SPMAP2L: variants seen among roughly 807,000 people sequenced by gnomAD.
The protein encoded by SPMAP2L is sperm microtubule associated protein 2 like.
At chr4:56,563,704 G>A in the SPMAP2L span, among the ~76,000 whole-genome samples, 4 of 152,094 alleles carry the variant, frequency 2.6e-5, no homozygotes, top group East Asian at 7.7e-4. Flanking sequence ...AGTAAAGTTA[G>A]CCACACACTC....
At chr4:56,578,607 C>G in the SPMAP2L span, among the ~76,000 whole-genome samples, 3 of 151,934 alleles carry the variant, frequency 2.0e-5, no homozygotes, top group Non-Finnish European at 4.4e-5. Context: ...AAAAGACATA[C>G]TTTAGATTCA....
the SPMAP2L span, among the ~76,000 whole-genome samples, chr4:56,570,707 T>C: frequency 6.6e-6 from 1 of 150,494 alleles, no homozygotes; most frequent in Non-Finnish European, 1.5e-5. Flanking sequence ...TTATAAACAC[T>C]GTACACTGAA....
chr4:56,543,887 A>T, the SPMAP2L span, among the ~76,000 whole-genome samples: 1 of 129,732 alleles, frequency 7.7e-6, no homozygotes, highest in Admixed American at 7.9e-5. Context: ...AGAGAGAGAG[A>T]GAGAGAGAGT....
At chr4:56,595,820 G>GT in the SPMAP2L span, 1 of 762,664 alleles carries the variant, frequency 1.3e-6, no homozygotes, top group African/African-American at 1.7e-5. Flanking sequence ...TCAAGTAGGA[G>GT]TTTTATATAC....
At chr4:56,603,619 GA>G in the SPMAP2L span, 4 of 238,250 alleles carry the variant, frequency 1.7e-5, no homozygotes, top group Non-Finnish European at 3.2e-5. Context: ...TGCTGTAGCT[GA>G]CCTGAAGAAA....
chr4:56,604,665 A>AAAAG, the SPMAP2L span, among the ~76,000 whole-genome samples: 1 of 152,026 alleles, frequency 6.6e-6, no homozygotes, highest in African/African-American at 2.4e-5. Flanking sequence ...TCTCAAAAAA[A>AAAAG]AAAAGAAAAG....
At chr4:56,566,181 C>A in the SPMAP2L span, among the ~76,000 whole-genome samples, 15 of 152,008 alleles carry the variant, frequency 9.9e-5, no homozygotes, top group South Asian at 3.1e-3. Context: ...CTCTTTGTTG[C>A]CTTCTTATTT....
the SPMAP2L span, among the ~76,000 whole-genome samples, chr4:56,623,249 T>C: frequency 6.6e-6 from 1 of 152,148 alleles, no homozygotes; most frequent in Admixed American, 6.5e-5. Context: ...GCCTCTCCTT[T>C]TTTCTTTTTA....
At chr4:56,564,600 T>A in the SPMAP2L span, among the ~76,000 whole-genome samples, 3 of 152,240 alleles carry the variant, frequency 2.0e-5, no homozygotes, top group Admixed American at 2.0e-4. Context: ...TCATTCTGGC[T>A]AGAGATCTAT....
chr4:56,615,085 G>A, the SPMAP2L span, among the ~76,000 whole-genome samples: 1 of 152,206 alleles, frequency 6.6e-6, no homozygotes, highest in African/African-American at 2.4e-5. Flanking sequence ...TGAGGCAAAA[G>A]GACAGCAGTG....
At chr4:56,574,189 A>G in the SPMAP2L span, among the ~76,000 whole-genome samples, 1 of 151,976 alleles carries the variant, frequency 6.6e-6, no homozygotes, top group African/African-American at 2.4e-5. Context: ...GGAGGCTGAG[A>G]CGGGAGAATC....
At chr4:56,622,484 A>T in the SPMAP2L span, among the ~76,000 whole-genome samples, 5 of 152,248 alleles carry the variant, frequency 3.3e-5, no homozygotes, top group Non-Finnish European at 7.3e-5. Context: ...TTTATTAAGT[A>T]AACACTGTAT....
At chr4:56,602,406 G>C in the SPMAP2L span, among the ~76,000 whole-genome samples, 1 of 152,128 alleles carries the variant, frequency 6.6e-6, no homozygotes, top group Non-Finnish European at 1.5e-5. Context: ...TCATTAAAGA[G>C]AAGAGGCTGG....
the SPMAP2L span, among the ~76,000 whole-genome samples, chr4:56,569,996 T>C: frequency 6.6e-6 from 1 of 152,214 alleles, no homozygotes; most frequent in Non-Finnish European, 1.5e-5. Flanking sequence ...AAACTGTATA[T>C]ATACTGTGAT....
the SPMAP2L span, among the ~76,000 whole-genome samples, chr4:56,579,264 C>T: frequency 1.3e-5 from 2 of 152,088 alleles, no homozygotes; most frequent in Non-Finnish European, 2.9e-5. Flanking sequence ...AAAATCAATT[C>T]TCTGAACCAG....
chr4:56,616,130 A>C, the SPMAP2L span, among the ~76,000 whole-genome samples: 1 of 152,106 alleles, frequency 6.6e-6, no homozygotes. Flanking sequence ...TGGCTTAAAC[A>C]ACAGACATTT....
chr4:56,537,701 T>A, the SPMAP2L span, among the ~76,000 whole-genome samples: 1 of 152,028 alleles, frequency 6.6e-6, no homozygotes, highest in Non-Finnish European at 1.5e-5. Flanking sequence ...TCTTTTCTTT[T>A]TTTTTTTTGA....
chr4:56,558,233 G>C, the SPMAP2L span, among the ~76,000 whole-genome samples: 1 of 152,106 alleles, frequency 6.6e-6, no homozygotes, highest in Non-Finnish European at 1.5e-5. Flanking sequence ...CTCCCAAACT[G>C]TTGTTGGGAT....
chr4:56,594,350 T>C, the SPMAP2L span: 1 of 1,527,240 alleles, frequency 6.5e-7, no homozygotes, highest in African/African-American at 1.4e-5. Context: ...ACTGAACAGT[T>C]CGTCTGAACT....
Sources: gnomAD v4.1 joint callset for allele counts (sites outside exome capture counted in the v4.1 genomes callset) on GRCh38, gnomAD v4.1.1 for gene constraint, MANE v1.5 for transcripts, NCBI Gene and HGNC (gene_info 2026-07-23, HGNC 2026-07-21) for gene names.